The following FAM227A variants were observed in gnomAD, a reference collection of about 807,000 sequenced individuals.
FAM227A encodes the protein family with sequence similarity 227 member A, also known as protein FAM227A.
FAM227A carries 80 observed loss-of-function variants against 74.7 expected under a neutral mutation model. That is an observed-to-expected ratio of 1.07 (90% CI 0.89 to 1.29). The LOEUF (loss-of-function observed/expected upper bound fraction) is 1.29, where lower values mean the gene tolerates loss of function less well. FAM227A is among the 50% of genes most tolerant of loss of function. The pLI is 0.00. For synonymous variants in FAM227A, 237 were observed against 241.8 expected, an observed-to-expected ratio of 0.98 and a Z score of 0.19; for missense variants, 654 against 683.4, an observed-to-expected ratio of 0.96 and a Z score of 0.48.
chr22:38,626,447 A>G, intron 8 of FAM227A, 144 bp from the exon 9 acceptor site: 1 of 1,064,946 alleles, frequency 9.4e-7, no homozygotes, highest in Non-Finnish European at 1.3e-6. Flanking sequence ...TGTGTTACCC[A>G]GGCTGGATTT....
Position 38,585,993 on chromosome 22 carries a change from C to T in FAM227A, c.*132G>A, listed in dbSNP as rs1235934123. 1.3e-6 allele frequency: 2 copies of T among 1,527,204 alleles called. No individual in the cohort carries two copies. The highest frequency in any genetic ancestry group is 1.8e-6 in the Non-Finnish European group (2 of 1,134,760). The allele number at this position is 1,527,204 out of a possible 1,614,324, so 94.6% of individuals were successfully genotyped here. ...TAGGAAAAACTACAACGGAATCCTTCCCCTATGGAGAAATCATGATTCCTA... is the reference window on the plus strand; with the variant it reads ...TAGGAAAAACTACAACGGAATCCTTTCCCTATGGAGAAATCATGATTCCTA... On this transcript the variant is annotated 3_prime_UTR_variant, in exon 17 of 17. Transcript: ENST00000535113.
chr22:38,651,402 C>A (rs1473387814), intron 1 of FAM227A, among the ~76,000 whole-genome samples: 1 of 152,156 alleles, frequency 6.6e-6, no homozygotes, highest in Non-Finnish European at 1.5e-5. Flanking sequence ...GAGACAGCGT[C>A]TTGCTCTGTC....
intron 9 of FAM227A, among the ~76,000 whole-genome samples, chr22:38,624,747 G>C (rs1286441447): frequency 6.6e-6 from 1 of 152,164 alleles, no homozygotes; most frequent in Non-Finnish European, 1.5e-5. Context: ...CATTGTAGGG[G>C]GATGAGTGGG....
At chr22:38,648,157 T>C (rs1347177127) in intron 2 of FAM227A, among the ~76,000 whole-genome samples, 2 of 151,936 alleles carry the variant, frequency 1.3e-5, no homozygotes, top group East Asian at 1.9e-4. Context: ...GACCCTGGAA[T>C]ACAACTCAGG....
chr22:38,641,974 T>TGTGTGTGCGC (rs1555973176), intron 3 of FAM227A, among the ~76,000 whole-genome samples: 3 of 146,012 alleles, frequency 2.1e-5, no homozygotes, highest in Admixed American at 6.7e-5. Flanking sequence ...TGTGTGTGTG[T>TGTGTGTGCGC]GCGCACGTGT....
chr22:38,620,140 C>A (rs2091656479), intron 11 of FAM227A, 72 bp downstream of exon 11: 1 of 1,071,382 alleles, frequency 9.3e-7, no homozygotes, highest in African/African-American at 1.6e-5. Context: ...GCCACTGATG[C>A]TCCAGAAGAA....
chr22:38,614,902 T>C (rs140179018), intron 11 of FAM227A, among the ~76,000 whole-genome samples: 1 of 152,326 alleles, frequency 6.6e-6, no homozygotes, highest in African/African-American at 2.4e-5. Flanking sequence ...TCATCTGCAC[T>C]TTTTGGGAAC....
chr22:38,603,355 G>A (rs1386172814), intron 13 of FAM227A, among the ~76,000 whole-genome samples: 1 of 151,950 alleles, frequency 6.6e-6, no homozygotes, highest in Non-Finnish European at 1.5e-5. Context: ...GGGCGTGGTG[G>A]CACACACCTG....
At chr22:38,589,174 G>A (rs1025919552) in intron 16 of FAM227A, among the ~76,000 whole-genome samples, 1 of 152,106 alleles carries the variant, frequency 6.6e-6, no homozygotes. Context: ...GATGACAGAG[G>A]CAGAGATTGG....
chr22:38,632,875 C>T (rs563165018), intron 6 of FAM227A, among the ~76,000 whole-genome samples: 2 of 152,310 alleles, frequency 1.3e-5, no homozygotes, highest in South Asian at 4.1e-4. Flanking sequence ...ACTCGGGACA[C>T]TTTCAGCAGT....
In FAM227A at chr22:38,639,681, TTC is replaced by T. The variant is rs1277272051; in HGVS notation, c.267_268del (p.Lys90AsnfsTer39). 3.9e-6 allele frequency: 6 copies of T among 1,551,968 alleles called. No homozygotes were observed. The highest frequency in any genetic ancestry group is 5.2e-6 in the Non-Finnish European group (6 of 1,147,036). ...TTTGTCTTCTGGACTGCTGCGAGTT[TTC>T]TCTCTTAAAGCCTTCTTCTCCAACT... On this transcript the variant is annotated frameshift_variant, in exon 4 of 17. Coordinates refer to ENST00000535113, the MANE Select transcript of FAM227A (RefSeq NM_001013647.2). LOFTEE classifies it high-confidence loss of function.
At chr22:38,603,937 A>C (rs1422140953) in intron 13 of FAM227A, among the ~76,000 whole-genome samples, 3 of 152,184 alleles carry the variant, frequency 2.0e-5, no homozygotes, top group Non-Finnish European at 4.4e-5. Context: ...TAGAATGGTA[A>C]AATGCTTAGC....
chr22:38,634,221 C>CAA (rs34039010), intron 6 of FAM227A, among the ~76,000 whole-genome samples: 4,839 of 61,192 alleles, frequency 0.079, 334 homozygotes, highest in Middle Eastern at 0.11. Context: ...GACTCTGTCT[C>CAA]AAAAAAAAAA....
At chr22:38,626,148 G>T in intron 9 of FAM227A, 32 bp downstream of exon 9, 1 of 1,547,522 alleles carries the variant, frequency 6.5e-7, no homozygotes, top group Non-Finnish European at 8.7e-7. Context: ...TTCTAGAATC[G>T]CTTTCCCCGG....
In FAM227A at chr22:38,587,125, G is replaced by A. The variant is rs563990230; in HGVS notation, c.1639-926C>T. On this transcript the variant is annotated intron_variant, in intron 16 of 16. Coordinates refer to ENST00000535113, the MANE Select transcript of FAM227A (RefSeq NM_001013647.2). ...ACTTATGGAGTGCAGCAAAAGCAGT[G>A]CTAAGAGGGAAATTTATAGCCATAA... Among the ~76,000 whole-genome samples the A allele has an allele frequency of 3.9e-5, 6 of 152,264 alleles. No individual in the cohort carries two copies. In the South Asian group the frequency reaches 8.3e-4, roughly 21 times the overall value.
chr22:38,607,053 T>G (rs1405595550), intron 12 of FAM227A, among the ~76,000 whole-genome samples: 1 of 152,032 alleles, frequency 6.6e-6, no homozygotes, highest in Non-Finnish European at 1.5e-5. Flanking sequence ...AGCGCACGCC[T>G]GTAGTCCCAG....
chr22:38,616,414 GCACT>G (rs1201690679), intron 11 of FAM227A, among the ~76,000 whole-genome samples: 2 of 152,124 alleles, frequency 1.3e-5, no homozygotes, highest in African/African-American at 4.8e-5. Context: ...TGTAATCCCA[GCACT>G]TTGGGAGGCT....
chr22:38,588,313 A>G (rs2090851056), intron 16 of FAM227A, among the ~76,000 whole-genome samples: 1 of 152,008 alleles, frequency 6.6e-6, no homozygotes, highest in Non-Finnish European at 1.5e-5. Flanking sequence ...ACACAGCAAG[A>G]CCCTGTCTCT....
intron 13 of FAM227A, among the ~76,000 whole-genome samples, chr22:38,602,868 TTTG>T (rs928482481): frequency 3.3e-5 from 5 of 151,984 alleles, no homozygotes; most frequent in South Asian, 2.1e-4. Flanking sequence ...AGTTTTGCTT[TTTG>T]TTGTTGTTGT....
Sources: allele counts gnomAD v4.1 joint callset (sites outside exome capture counted in the v4.1 genomes callset), GRCh38; gene constraint gnomAD v4.1.1; transcripts MANE v1.5; gene names NCBI Gene and HGNC (gene_info 2026-07-23, HGNC 2026-07-21).